Variants in PCDH15 observed in about 807,000 individuals in gnomAD.
PCDH15 encodes protocadherin related 15.
A neutral mutation model predicts 178.5 loss-of-function variants in PCDH15; 129 were observed. The observed-to-expected ratio is 0.72, with a 90% confidence interval of 0.63 to 0.84. The LOEUF is 0.84. Among genes scored for constraint, PCDH15 ranks in the 40% least tolerant of loss-of-function variants. The pLI is 0.00. For synonymous variants in PCDH15, 800 were observed against 732.0 expected, an observed-to-expected ratio of 1.09 and a Z score of -1.50; for missense variants, 2,230 against 2,099.9, an observed-to-expected ratio of 1.06 and a Z score of -1.21.
chr10:54,110,890 C>T (rs2095009944), intron 15 of PCDH15, among the ~76,000 whole-genome samples: 1 of 151,998 alleles, frequency 6.6e-6, no homozygotes, highest in Non-Finnish European at 1.5e-5. Flanking sequence ...TTTCAGTTTT[C>T]TTAATAACTC....
In PCDH15 at chr10:54,840,266, C is replaced by A. The variant is rs73256013; in HGVS notation, c.-29+57184G>T. On this transcript the variant is annotated intron_variant, in intron 3 of 5. Coordinates refer to the PCDH15 transcript ENST00000458638. ...AACTACAATCATTTTTTAATGGATGCACAAATATAAAAAGAGGTAAAGTGT... is the reference window on the plus strand; with the variant it reads ...AACTACAATCATTTTTTAATGGATGAACAAATATAAAAAGAGGTAAAGTGT... 3.7e-3 allele frequency among the ~76,000 whole-genome samples: 555 copies of A among 151,564 alleles called. 1 individual carries two copies. The highest frequency in any genetic ancestry group is 0.013 in the African/African-American group (533 of 41,366).
At chr10:55,592,393 G>C (rs766788159) in intron 2 of PCDH15, among the ~76,000 whole-genome samples, 2 of 152,146 alleles carry the variant, frequency 1.3e-5, no homozygotes, top group Non-Finnish European at 2.9e-5. Flanking sequence ...CTGCTTCTAG[G>C]AATGCTGGCA....
At chr10:53,814,508 C>T (rs1443715982) in intron 35 of PCDH15, among the ~76,000 whole-genome samples, 2 of 152,092 alleles carry the variant, frequency 1.3e-5, no homozygotes, top group African/African-American at 4.8e-5. Flanking sequence ...GATAGGAACC[C>T]AGGAAACTCA....
At chr10:55,561,370 T>C (rs1842195645) in intron 2 of PCDH15, among the ~76,000 whole-genome samples, 1 of 151,872 alleles carries the variant, frequency 6.6e-6, no homozygotes, top group African/African-American at 2.4e-5. Context: ...AAACAAAACT[T>C]TGTCATCATA....
intron 1 of PCDH15, among the ~76,000 whole-genome samples, chr10:54,787,436 A>G (rs1361775154): frequency 1.3e-5 from 2 of 151,974 alleles, no homozygotes; most frequent in Non-Finnish European, 2.9e-5. Flanking sequence ...TCATTATGTG[A>G]TAGTCAACAA....
chr10:54,383,476 C>T (rs1488176297), intron 3 of PCDH15, among the ~76,000 whole-genome samples: 1 of 151,956 alleles, frequency 6.6e-6, no homozygotes, highest in African/African-American at 2.4e-5. Flanking sequence ...AATAGAAAGA[C>T]GTTCAGGGAA....
intron 32 of PCDH15, chr10:53,822,931 G>T: frequency 6.2e-7 from 1 of 1,614,048 alleles, no homozygotes; most frequent in Non-Finnish European, 8.5e-7. Flanking sequence ...CCTTGCCACT[G>T]CTGCAGATCT....
intron 25 of PCDH15, among the ~76,000 whole-genome samples, chr10:53,908,199 G>A (rs925906582): frequency 2.0e-5 from 3 of 152,150 alleles, no homozygotes; most frequent in Non-Finnish European, 2.9e-5. Flanking sequence ...GTAGAGGTCA[G>A]GAATGCTGAG....
intron 20 of PCDH15, among the ~76,000 whole-genome samples, chr10:54,005,751 G>A (rs1453708822): frequency 1.3e-5 from 2 of 151,952 alleles, no homozygotes; most frequent in African/African-American, 4.8e-5. Flanking sequence ...CAGTATGGAA[G>A]TTCCTATAAA....
intron 1 of PCDH15, among the ~76,000 whole-genome samples, chr10:54,692,651 C>T (rs78524964): frequency 0.11 from 12,155 of 108,484 alleles, 538 homozygotes; most frequent in South Asian, 0.19. Flanking sequence ...AACTTCTAAA[C>T]GAAGTCATAT....
intron 2 of PCDH15, among the ~76,000 whole-genome samples, chr10:55,611,329 C>A (rs927801251): frequency 6.6e-6 from 1 of 151,430 alleles, no homozygotes; most frequent in Non-Finnish European, 1.5e-5. Context: ...AACAAATAAC[C>A]CTGTTAAAAA....
At chr10:54,970,290 T>C (rs962436641) in intron 2 of PCDH15, among the ~76,000 whole-genome samples, 5 of 152,168 alleles carry the variant, frequency 3.3e-5, no homozygotes, top group African/African-American at 1.2e-4. Context: ...ACAAATGAAC[T>C]AATACATAAA....
intron 2 of PCDH15, among the ~76,000 whole-genome samples, chr10:54,617,281 C>T (rs923510359): frequency 6.6e-6 from 1 of 151,942 alleles, no homozygotes; most frequent in African/African-American, 2.4e-5. Context: ...CATTGAGCAA[C>T]CAACTGATCA....
At chr10:54,832,252 C>A (rs1419215745) in intron 3 of PCDH15, among the ~76,000 whole-genome samples, 1 of 152,128 alleles carries the variant, frequency 6.6e-6, no homozygotes, top group Non-Finnish European at 1.5e-5. Flanking sequence ...TATTCCGATA[C>A]TGCCCATCCG....
intron 2 of PCDH15, among the ~76,000 whole-genome samples, chr10:55,088,517 G>C (rs1425121341): frequency 6.6e-6 from 1 of 151,858 alleles, no homozygotes; most frequent in Non-Finnish European, 1.5e-5. Flanking sequence ...TAAGTGATAT[G>C]CCTGCCTTGG....
Position 55,072,402 on chromosome 10 carries a change from A to T in PCDH15, c.-80+94174T>A, listed in dbSNP as rs1392640379. On this transcript the variant is annotated intron_variant, in intron 2 of 5. Coordinates refer to the PCDH15 transcript ENST00000458638. The stretch of plus-strand genomic sequence containing the variant: ...AAGAATCAAATAGACGCAATAAAAA[A>T]TGATAAAGGGGATATCACCACCGAT... 3.9e-5 allele frequency among the ~76,000 whole-genome samples: 6 copies of T among 152,326 alleles called. 1 individual carries two copies. Among genetic ancestry groups the T allele is most frequent in the African/African-American group, 1.4e-4 (6 of 41,572 alleles).
At chr10:53,809,092 T>G (rs544980556) in intron 37 of PCDH15, 1 of 1,613,932 alleles carries the variant, frequency 6.2e-7, no homozygotes, top group East Asian at 2.2e-5. Flanking sequence ...CCTTGCTTTT[T>G]CTCCTTCTGA....
chr10:55,005,396 A>T (rs1319785740), intron 2 of PCDH15, among the ~76,000 whole-genome samples: 1 of 152,212 alleles, frequency 6.6e-6, no homozygotes, highest in East Asian at 1.9e-4. Flanking sequence ...AAAATAAGGT[A>T]AATTTGAATT....
intron 3 of PCDH15, among the ~76,000 whole-genome samples, chr10:54,878,050 C>T (rs1301237570): frequency 2.7e-5 from 4 of 150,070 alleles, no homozygotes; most frequent in Non-Finnish European, 5.9e-5. Flanking sequence ...GCAACCTCTG[C>T]CTCCCAGGTT....
Sources: gnomAD v4.1 joint callset for allele counts (sites outside exome capture counted in the v4.1 genomes callset) on GRCh38, gnomAD v4.1.1 for gene constraint, MANE v1.5 for transcripts, NCBI Gene and HGNC (gene_info 2026-07-23, HGNC 2026-07-21) for gene names.